The following GREB1L variants were observed in gnomAD, a reference collection of about 807,000 sequenced individuals.
The protein encoded by GREB1L is GREB1-like protein.
A neutral mutation model predicts 200.8 loss-of-function variants in GREB1L; 17 were observed. The observed-to-expected ratio is 0.08, with a 90% CI of 0.06 to 0.13. The LOEUF (loss-of-function observed/expected upper bound fraction) is 0.13. GREB1L is among the 10% of genes least tolerant of loss of function. The pLI is 1.00. For synonymous variants in GREB1L, 789 were observed against 893.0 expected (o/e 0.88, Z 2.08); for missense variants, 1,657 against 2,367.7 (o/e 0.70, Z 6.23).
chr18:21,454,712 A>T (rs1235730691), intron 15 of GREB1L, 149 bp downstream of exon 15: 2 of 692,670 alleles, frequency 2.9e-6, no homozygotes, highest in African/African-American at 3.6e-5. Flanking sequence ...TTTTGGGTTT[A>T]TCTGAAGTTT....
intron 13 of GREB1L, 138 bp from the exon 14 acceptor site, chr18:21,451,945 C>T: frequency 1.4e-6 from 1 of 695,170 alleles, no homozygotes; most frequent in East Asian, 2.7e-5. Context: ...TAAAGATGGC[C>T]AAGTGTAAAT....
At chr18:21,441,661 T>C in intron 10 of GREB1L, 124 bp downstream of exon 10, 2 of 948,734 alleles carry the variant, frequency 2.1e-6, no homozygotes, top group Non-Finnish European at 3.1e-6. Context: ...TCAGCTTTTA[T>C]TGGTCAGCTC....
Position 21,518,115 on chromosome 18 carries a change from G to A in GREB1L, c.5353G>A (p.Ala1785Thr). The A allele has an allele frequency of 3.9e-6, 6 of 1,551,540 alleles. No homozygotes were observed. Among genetic ancestry groups the A allele is most frequent in the Non-Finnish European group, 5.2e-6 (6 of 1,146,924 alleles). The stretch of plus-strand genomic sequence containing the variant: ...TGAACACACACTACTGGCAGCCCCT[G>A]CACAGTTTCTCCTGGAGAAATTCCT... The part of the protein sequence containing the change: ...DSEHTLLAAP[A>T]QFLLEKFLQH... The change falls in exon 31 of 33, where the codon GCA becomes ACA. Residue 1785 changes from alanine (A) to threonine (T), a missense_variant. Around this residue, in one of 9 missense-constraint regions of GREB1L, gnomAD observed 190 missense variants for 230.2 expected, o/e 0.83. Coordinates refer to ENST00000424526, the MANE Select transcript of GREB1L (RefSeq NM_001142966.3).
chr18:21,298,019 A>G (rs984037141), intron 1 of GREB1L, among the ~76,000 whole-genome samples: 1 of 152,122 alleles, frequency 6.6e-6, no homozygotes, highest in Non-Finnish European at 1.5e-5. Context: ...GGGGAGGTTA[A>G]AAGTCCAAGT....
At chr18:21,441,286 C>A (rs1276406632) in intron 9 of GREB1L, 114 bp from the exon 10 acceptor site, 5 of 921,316 alleles carry the variant, frequency 5.4e-6, no homozygotes, top group Non-Finnish European at 7.6e-6. Flanking sequence ...AAAAACACAA[C>A]AAACCATTAG....
intron 5 of GREB1L, among the ~76,000 whole-genome samples, chr18:21,397,229 TCA>T (rs2041105029): frequency 6.6e-6 from 1 of 151,960 alleles, no homozygotes; most frequent in Non-Finnish European, 1.5e-5. Flanking sequence ...GCACGGTGGC[TCA>T]CGTCTGTAAT....
chr18:21,333,092 ACG>A (rs1318005450), intron 1 of GREB1L, among the ~76,000 whole-genome samples: 36 of 151,078 alleles, frequency 2.4e-4, no homozygotes, highest in African/African-American at 6.8e-4. Flanking sequence ...ATACACACAC[ACG>A]CGCGCGCGCG....
At chr18:21,325,099 C>T (rs1231638197) in intron 1 of GREB1L, among the ~76,000 whole-genome samples, 1 of 152,078 alleles carries the variant, frequency 6.6e-6, no homozygotes. Flanking sequence ...TATTTTATGT[C>T]AAGTTTAGAC....
chr18:21,508,125 A>T lies in GREB1L; in HGVS notation c.4376A>T (p.Asp1459Val), dbSNP rs1037007052. Residue 1459 changes from aspartate to valine, a missense_variant, in exon 26 of 33, where the codon GAC (aspartate) becomes GTC (valine). Coordinates refer to ENST00000424526, the MANE Select transcript of GREB1L (RefSeq NM_001142966.3). The part of the protein sequence containing the change: ...MDFTSASQMS[D>V]STLHAFTFSS... Reference sequence around the variant, plus strand: ...TCTTCTTTGCAAATGTAGATGTCTGACTCCACCCTTCATGCCTTCACATTC... The same window carrying T: ...TCTTCTTTGCAAATGTAGATGTCTGTCTCCACCCTTCATGCCTTCACATTC... 1.2e-5 allele frequency: 18 copies of T among 1,551,066 alleles called. No individual in the cohort carries two copies. The highest frequency in any genetic ancestry group is 2.7e-5 in the African/African-American group (2 of 72,868).
intron 1 of GREB1L, among the ~76,000 whole-genome samples, chr18:21,353,523 T>C (rs796972940): frequency 5.9e-5 from 9 of 152,244 alleles, no homozygotes; most frequent in African/African-American, 2.2e-4. Context: ...ATTTTATTTG[T>C]TTTAGGTGTG....
intron 7 of GREB1L, among the ~76,000 whole-genome samples, chr18:21,428,905 G>A: frequency 6.6e-6 from 1 of 151,300 alleles, no homozygotes; most frequent in South Asian, 2.1e-4. Context: ...TTTAGTAGAG[G>A]TGGGGTTTCA....
intron 2 of GREB1L, among the ~76,000 whole-genome samples, chr18:21,377,244 T>C (rs1436813453): frequency 6.7e-6 from 1 of 149,002 alleles, no homozygotes; most frequent in Non-Finnish European, 1.5e-5. Flanking sequence ...CTTTAGAAAG[T>C]GGGGCTAGAG....
intron 19 of GREB1L, among the ~76,000 whole-genome samples, chr18:21,491,123 C>A (rs1212061248): frequency 6.6e-6 from 1 of 152,172 alleles, no homozygotes; most frequent in African/African-American, 2.4e-5. Flanking sequence ...TCCAGTGGGG[C>A]CTAGCCATTA....
intron 29 of GREB1L, 105 bp downstream of exon 29, chr18:21,515,749 C>A: frequency 1.2e-6 from 1 of 838,538 alleles, no homozygotes; most frequent in Non-Finnish European, 1.8e-6. Flanking sequence ...AGTTGAGAAG[C>A]TGACTCTTTA....
chr18:21,427,737 T>C (rs2032726226), intron 7 of GREB1L, among the ~76,000 whole-genome samples: 1 of 152,242 alleles, frequency 6.6e-6, no homozygotes, highest in African/African-American at 2.4e-5. Flanking sequence ...TTAGCTCTAG[T>C]AGTTTTGTAG....
At position 21,367,844 on chromosome 18, in the gene GREB1L, A is replaced by T. The variant is rs1295059141; in HGVS notation, c.-10+1708A>T. ...GTTTTCTCTTTGAAGGGAAATGGAG[A>T]AGGGAAAAATCTGCATATTGTAAAA... is the stretch of plus-strand genomic sequence containing the variant. On this transcript the variant is annotated intron_variant, in intron 2 of 32. Transcript: ENST00000424526. Among the ~76,000 whole-genome samples the T allele has an allele frequency of 7.9e-5, 12 of 152,300 alleles. No homozygotes were observed. The East Asian group carries it at 2.3e-3, about 29-fold the overall frequency.
At chr18:21,275,240 A>T (rs1278988017) in intron 1 of GREB1L, among the ~76,000 whole-genome samples, 1 of 152,244 alleles carries the variant, frequency 6.6e-6, no homozygotes, top group East Asian at 1.9e-4. Flanking sequence ...CTCTGTCTCT[A>T]AATAAATAAA....
chr18:21,253,748 C>G (rs1314397381), intron 1 of GREB1L, among the ~76,000 whole-genome samples: 1 of 151,304 alleles, frequency 6.6e-6, no homozygotes, highest in African/African-American at 2.4e-5. Context: ...GTATTTATCT[C>G]TATGCATTAA....
rs187618085 is a variant in GREB1L at position 21,438,686 on chromosome 18, C to T, written c.833-835C>T. Among the ~76,000 whole-genome samples the T allele has an allele frequency of 6.8e-4, 103 of 150,572 alleles. No homozygotes were observed. In the Middle Eastern group the frequency reaches 0.014, roughly 21 times the overall value. On this transcript the variant is annotated intron_variant, in intron 7 of 32. Coordinates refer to ENST00000424526, the MANE Select transcript of GREB1L (RefSeq NM_001142966.3). ...TGTCTCAAAAAAAAAAGGCCTGGCA[C>T]GGTGGCTCATGCCTGTAATCGCAGC...
Sources: allele counts gnomAD v4.1 joint callset (sites outside exome capture counted in the v4.1 genomes callset), GRCh38; gene constraint gnomAD v4.1.1; regional missense constraint gnomAD v4.1.1; transcripts MANE v1.5; gene names NCBI Gene and HGNC (gene_info 2026-07-23, HGNC 2026-07-21).